ACAP2: variants seen among roughly 807,000 people sequenced by gnomAD.
ACAP2 encodes the protein ArfGAP with coiled-coil, ankyrin repeat and PH domains 2, also known as arf-GAP with coiled-coil, ANK repeat and PH domain-containing protein 2.
A neutral mutation model predicts 115.8 loss-of-function variants in ACAP2; 39 were observed. That is an observed-to-expected ratio of 0.34 (90% CI 0.26 to 0.44). The LOEUF (loss-of-function observed/expected upper bound fraction) is 0.44. ACAP2 is among the 20% of genes least tolerant of loss of function. The probability of loss-of-function intolerance (pLI) is 1.00; values close to 1 mark genes in which losing one functional copy is unlikely to be tolerated. For missense variants in ACAP2, 662 were observed against 927.6 expected, an observed-to-expected ratio of 0.71 and a Z score of 3.72; for synonymous variants, 289 against 315.8, an observed-to-expected ratio of 0.92 and a Z score of 0.90.
chr3:195,317,071 T>A (rs1729143159), intron 10 of ACAP2, among the ~76,000 whole-genome samples: 1 of 151,752 alleles, frequency 6.6e-6, no homozygotes, highest in African/African-American at 2.4e-5. Flanking sequence ...CTAATTTTTG[T>A]ATTTTTAGTA....
chr3:195,420,730 G>A (rs1483016717), intron 1 of ACAP2, among the ~76,000 whole-genome samples: 1 of 151,294 alleles, frequency 6.6e-6, no homozygotes, highest in East Asian at 2.0e-4. Context: ...GCAACCTCCA[G>A]CTCCCAGGTT....
chr3:195,350,690 A>C (rs1731504835), intron 4 of ACAP2, among the ~76,000 whole-genome samples: 1 of 151,944 alleles, frequency 6.6e-6, no homozygotes, highest in African/African-American at 2.4e-5. Context: ...AAGATCAATA[A>C]AGCAGAAATT....
intron 20 of ACAP2, among the ~76,000 whole-genome samples, chr3:195,291,096 A>T (rs1727223524): frequency 6.6e-6 from 1 of 152,292 alleles, no homozygotes; most frequent in African/African-American, 2.4e-5. Context: ...GGATACCCTG[A>T]GATATCTTAT....
rs192076446 is a variant in ACAP2 at position 195,276,000 on chromosome 3, T to G, written c.*3328A>C. ...AAAAATACATCATTTTTCCAGCTCA[T>G]GTCCATGATCCAAAGTGATATTATA... On this transcript the variant is annotated 3_prime_UTR_variant, in exon 23 of 23. Transcript: ENST00000326793. 1.9e-4 allele frequency: 29 copies of G among 152,748 alleles called. 1 individual carries two copies. Among genetic ancestry groups the G allele is most frequent in the African/African-American group, 6.3e-4 (26 of 41,574 alleles). 9.5% of individuals were successfully genotyped at this position (152,748 alleles called of 1,614,324 possible).
intron 1 of ACAP2, among the ~76,000 whole-genome samples, chr3:195,403,735 G>A (rs139251358): frequency 2.6e-5 from 4 of 152,212 alleles, no homozygotes; most frequent in Admixed American, 6.5e-5. Flanking sequence ...GACTACAGGC[G>A]GAACAGATTT....
At chr3:195,318,801 A>G (rs1729255879) in intron 10 of ACAP2, among the ~76,000 whole-genome samples, 1 of 152,176 alleles carries the variant, frequency 6.6e-6, no homozygotes, top group Admixed American at 6.5e-5. Flanking sequence ...AGAAAAATCC[A>G]TTTTCTGAGG....
chr3:195,380,573 T>C (rs1206979163), intron 4 of ACAP2, among the ~76,000 whole-genome samples: 1 of 152,020 alleles, frequency 6.6e-6, no homozygotes, highest in African/African-American at 2.4e-5. Flanking sequence ...TATAAATAGC[T>C]CAAAGAATAT....
rs201919898 is a variant in ACAP2, at chr3:195,291,789, G to A, written c.1980C>T (p.Leu660=). 6.2e-7 allele frequency: 1 copy of A among 1,613,676 alleles called. No individual in the cohort carries two copies. Among genetic ancestry groups the A allele is most frequent in the Non-Finnish European group, 8.5e-7 (1 of 1,179,826 alleles). ...GGTTGACATTAGCACCATTCTGTAGGAGGAACTCACACGTCACCAAAGAGC... is the reference window on the plus strand; with the variant it reads ...GGTTGACATTAGCACCATTCTGTAGAAGGAACTCACACGTCACCAAAGAGC... The part of the protein sequence containing the change: ...LGGSLVTCEF[L]LQNGANVNQR... The change falls in exon 20 of 23, where the codon CTC becomes CTT. Residue 660 remains leucine, a synonymous_variant. Coordinates refer to ENST00000326793, the MANE Select transcript of ACAP2 (RefSeq NM_012287.6).
At chr3:195,317,018 C>G (rs1016760099) in intron 10 of ACAP2, among the ~76,000 whole-genome samples, 2 of 148,372 alleles carry the variant, frequency 1.3e-5, no homozygotes, top group African/African-American at 2.5e-5. Context: ...CTGCCTCAGC[C>G]TGCCGAGTAG....
intron 15 of ACAP2, among the ~76,000 whole-genome samples, chr3:195,299,391 A>AATACCCCGT (rs1727872376): frequency 1.3e-5 from 2 of 148,268 alleles, no homozygotes; most frequent in South Asian, 4.4e-4. Context: ...GCAACATGGC[A>AATACCCCGT]ATACCCCGTC....
chr3:195,388,278 A>ATT (rs952627475), intron 2 of ACAP2, among the ~76,000 whole-genome samples: 1 of 152,238 alleles, frequency 6.6e-6, no homozygotes, highest in African/African-American at 2.4e-5. Context: ...CTTGGCTGAG[A>ATT]TTTAAAGAGT....
intron 4 of ACAP2, among the ~76,000 whole-genome samples, chr3:195,374,223 T>TAAAAATA (rs1433050605): frequency 3.9e-5 from 6 of 151,928 alleles, no homozygotes; most frequent in Admixed American, 3.9e-4. Flanking sequence ...CCATCTCTAC[T>TAAAAATA]AAAAATAAAA....
At chr3:195,335,610 A>G (rs1204566395) in intron 7 of ACAP2, among the ~76,000 whole-genome samples, 1 of 152,200 alleles carries the variant, frequency 6.6e-6, no homozygotes, top group Non-Finnish European at 1.5e-5. Flanking sequence ...ATTTTCTACA[A>G]TTAATACACA....
intron 2 of ACAP2, among the ~76,000 whole-genome samples, chr3:195,390,604 G>A (rs776238981): frequency 3.3e-5 from 5 of 152,036 alleles, no homozygotes; most frequent in Non-Finnish European, 5.9e-5. Context: ...CAGCACGGGC[G>A]TCACCTGGAA....
chr3:195,385,118 C>T (rs1036379957), intron 2 of ACAP2, among the ~76,000 whole-genome samples: 24 of 151,872 alleles, frequency 1.6e-4, no homozygotes, highest in African/African-American at 5.8e-4. Context: ...TAAGGGAATG[C>T]ACATAAAGAT....
At chr3:195,405,235 A>G (rs987456145) in intron 1 of ACAP2, among the ~76,000 whole-genome samples, 5 of 152,182 alleles carry the variant, frequency 3.3e-5, no homozygotes, top group African/African-American at 9.7e-5. Context: ...ATTGATTGCA[A>G]TCCAACTCTA....
At chr3:195,306,777 G>C (rs1186071439) in intron 12 of ACAP2, 161 bp from the exon 13 acceptor site, 1 of 409,606 alleles carries the variant, frequency 2.4e-6, no homozygotes, top group African/African-American at 2.2e-5. Flanking sequence ...TTAGGGCAAA[G>C]TATGTTAACG....
intron 2 of ACAP2, among the ~76,000 whole-genome samples, chr3:195,389,815 T>C (rs1734536536): frequency 6.6e-6 from 1 of 152,240 alleles, no homozygotes; most frequent in Admixed American, 6.5e-5. Context: ...CCAGCTAGCG[T>C]TCCTCAGAAC....
intron 20 of ACAP2, among the ~76,000 whole-genome samples, chr3:195,290,727 C>T (rs925061531): frequency 3.3e-5 from 5 of 151,912 alleles, no homozygotes; most frequent in South Asian, 2.1e-4. Flanking sequence ...GCAGGAGAAT[C>T]GCTTGAACCC....
Sources: allele counts gnomAD v4.1 joint callset (sites outside exome capture counted in the v4.1 genomes callset), GRCh38; gene constraint gnomAD v4.1.1; transcripts MANE v1.5; gene names NCBI Gene and HGNC (gene_info 2026-07-23, HGNC 2026-07-21).